The following TSPEAR variants were observed in gnomAD, a reference collection of about 807,000 sequenced individuals.
TSPEAR encodes thrombospondin type laminin G domain and EAR repeats.
A neutral mutation model predicts 71.6 loss-of-function variants in TSPEAR; 69 were observed. That is an observed-to-expected ratio of 0.96 (90% confidence interval 0.79 to 1.18). TSPEAR has a LOEUF of 1.18. Among genes scored for constraint, TSPEAR ranks in the 50% most tolerant of loss-of-function variants. The probability of loss-of-function intolerance (pLI) is 0.00; values close to 1 mark genes in which losing one functional copy is unlikely to be tolerated. For missense variants in TSPEAR, 971 were observed against 894.9 expected (o/e 1.09, Z -1.09); for synonymous variants, 402 against 387.2 (o/e 1.04, Z -0.45).
At chr21:44,586,702 C>T (rs1204589464) in intron 1 of TSPEAR, among the ~76,000 whole-genome samples, 15 of 151,974 alleles carry the variant, frequency 9.9e-5, no homozygotes, top group African/African-American at 3.6e-4. Flanking sequence ...GCCTTTCATA[C>T]AAATAGAATC....
At chr21:44,666,873 C>T in intron 1 of TSPEAR, 1 of 1,613,558 alleles carries the variant, frequency 6.2e-7, no homozygotes, top group Non-Finnish European at 8.5e-7. Flanking sequence ...CGAGGAGCAG[C>T]TGGTATGACA....
chr21:44,608,638 T>C (rs1555930259), intron 1 of TSPEAR, among the ~76,000 whole-genome samples: 1 of 152,258 alleles, frequency 6.6e-6, no homozygotes, highest in East Asian at 1.9e-4. Context: ...CAAGGTTCAA[T>C]GAGTGGCTTT....
In TSPEAR at chr21:44,531,510, T is replaced by G. The variant is rs587602219; in HGVS notation, c.543-377A>C. Reference sequence around the variant, plus strand: ...CACTCCAGGATGATCTCAGCTTGACTTGATGACTGCAAAGACTCTGTTTCC... The same window carrying G: ...CACTCCAGGATGATCTCAGCTTGACGTGATGACTGCAAAGACTCTGTTTCC... On this transcript the variant is annotated intron_variant, in intron 3 of 11. Coordinates refer to ENST00000323084, the MANE Select transcript of TSPEAR (RefSeq NM_144991.3). Among the ~76,000 whole-genome samples, 18 of 152,328 alleles carry G rather than the reference T, an allele frequency of 1.2e-4. No individual in the cohort carries two copies. In the East Asian group the frequency reaches 3.5e-3, roughly 29 times the overall value.
At chr21:44,703,075 C>T (rs1013148020) in intron 1 of TSPEAR, among the ~76,000 whole-genome samples, 8 of 152,174 alleles carry the variant, frequency 5.3e-5, no homozygotes, top group African/African-American at 9.7e-5. Flanking sequence ...GCCCCCCCTG[C>T]CCTTCTCCTC....
chr21:44,517,829 T>C (rs1288276441), intron 9 of TSPEAR: 11 of 471,138 alleles, frequency 2.3e-5, no homozygotes, highest in African/African-American at 6.0e-5. Context: ...TCCTGTGTGC[T>C]TTGAAGGTAA....
intron 1 of TSPEAR, among the ~76,000 whole-genome samples, chr21:44,638,817 C>T (rs1410816767): frequency 1.3e-5 from 2 of 151,982 alleles, no homozygotes; most frequent in African/African-American, 4.8e-5. Flanking sequence ...TTCACCCTCC[C>T]CAGCTCCATG....
intron 9 of TSPEAR, among the ~76,000 whole-genome samples, chr21:44,510,242 T>TC (rs2052330566): frequency 1.3e-5 from 2 of 149,548 alleles, no homozygotes; most frequent in South Asian, 4.2e-4. Context: ...GGGGACAGTG[T>TC]CCCCACAGGC....
At chr21:44,548,268 C>G (rs2053334370) in intron 2 of TSPEAR, among the ~76,000 whole-genome samples, 1 of 152,214 alleles carries the variant, frequency 6.6e-6, no homozygotes, top group Non-Finnish European at 1.5e-5. Flanking sequence ...GGGCTGCTGC[C>G]TTCCTGACTG....
intron 1 of TSPEAR, chr21:44,646,955 C>T (rs1555940101): frequency 1.9e-6 from 3 of 1,613,486 alleles, no homozygotes; most frequent in Non-Finnish European, 2.5e-6. Context: ...GAGGATTCCT[C>T]TTCATGCTGC....
At chr21:44,558,413 C>G in intron 2 of TSPEAR, 1 of 1,613,922 alleles carries the variant, frequency 6.2e-7, no homozygotes, top group Non-Finnish European at 8.5e-7. Flanking sequence ...AGCAGACAGG[C>G]ACGCAGCAGG....
At chr21:44,508,091 C>T (rs1452262258) in intron 10 of TSPEAR, 1 of 152,278 alleles carries the variant, frequency 6.6e-6, no homozygotes, top group Admixed American at 6.5e-5. Flanking sequence ...GGCCTGTCTA[C>T]ATACCCCTGC....
chr21:44,643,490 G>GT (rs1984132462), intron 1 of TSPEAR, among the ~76,000 whole-genome samples: 1 of 152,126 alleles, frequency 6.6e-6, no homozygotes, highest in Non-Finnish European at 1.5e-5. Flanking sequence ...CACACAATGT[G>GT]TACATGTATC....
chr21:44,680,837 AATG>A lies in TSPEAR; in HGVS notation c.82+30593_82+30595del, dbSNP rs150154782. On this transcript the variant is annotated intron_variant, in intron 1 of 11. Transcript: ENST00000323084. Reference sequence around the variant, plus strand: ...TTGATCTCATGGAAGTAGAGAGTAGAATGATATTACCAGAGGTGAAGAACGGTG... The same window carrying A: ...TTGATCTCATGGAAGTAGAGAGTAGAATATTACCAGAGGTGAAGAACGGTG... 7.3e-3 allele frequency among the ~76,000 whole-genome samples: 1,111 copies of A among 152,340 alleles called. 18 individuals are homozygous for A. Among genetic ancestry groups the A allele is most frequent in the African/African-American group, 0.025 (1,045 of 41,558 alleles).
Position 44,708,471 on chromosome 21 carries a change from G to A in TSPEAR, c.82+2962C>T, listed in dbSNP as rs546710939. On this transcript the variant is annotated intron_variant, in intron 1 of 11. Coordinates refer to ENST00000323084, the MANE Select transcript of TSPEAR (RefSeq NM_144991.3). ...GAGGGCAGAGCTCCTGGGAGCACCA[G>A]TGGAAGTAGGAGGGCTGGGCTGGAA... is the stretch of plus-strand genomic sequence containing the variant. 3.3e-5 allele frequency among the ~76,000 whole-genome samples: 5 copies of A among 152,244 alleles called. No individual in the cohort carries two copies. In the South Asian group the frequency reaches 8.3e-4, roughly 25 times the overall value.
rs1555917738 is a variant in TSPEAR, at chr21:44,546,286, C to G, written c.304-12363G>C. 6.6e-6 allele frequency among the ~76,000 whole-genome samples: 1 copy of G among 152,198 alleles called. No homozygotes were observed. The highest frequency in any genetic ancestry group is 1.5e-5 in the Non-Finnish European group (1 of 68,032). ...TTTATTTCAGCCTGAATTAGCATTT[C>G]TTGTAAGGCAAGTCTATTGGCAATG... is the stretch of plus-strand genomic sequence containing the variant. On this transcript the variant is annotated intron_variant, in intron 2 of 11. Transcript: ENST00000323084. This position sits in a 1 kb window ranked among gnomAD's most constrained non-coding sequence, Gnocchi z 4.4.
At chr21:44,549,973 G>A (rs782798431) in intron 2 of TSPEAR, among the ~76,000 whole-genome samples, 19 of 152,340 alleles carry the variant, frequency 1.2e-4, no homozygotes, top group East Asian at 7.7e-4. Flanking sequence ...CTCCCTGAGC[G>A]CAGGGACAGC....
At chr21:44,666,376 A>C in intron 1 of TSPEAR, 1 of 1,484,048 alleles carries the variant, frequency 6.7e-7, no homozygotes, top group South Asian at 1.3e-5. Flanking sequence ...AGACCAACTG[A>C]GGACTCATCC....
At chr21:44,644,793 G>A (rs587751446) in intron 1 of TSPEAR, among the ~76,000 whole-genome samples, 61 of 152,214 alleles carry the variant, frequency 4.0e-4, no homozygotes, top group Admixed American at 7.8e-4. Context: ...ATTAAAAATG[G>A]AAAAACACTT....
rs184873531 is a variant in TSPEAR at position 44,499,787 on chromosome 21, C to A, written c.2006G>T (p.Arg669Leu). The A allele has an allele frequency of 8.3e-6, 13 of 1,565,440 alleles. No homozygotes were observed. The highest frequency in any genetic ancestry group is 7.2e-5 in the East Asian group (3 of 41,820). The change falls in exon 12 of 12, where the codon CGC becomes CTC. Residue 669 changes from arginine to leucine, a missense_variant. Physicochemically the swap from Arg to Leu is moderately radical, Grantham distance 102. Coordinates refer to ENST00000323084, the MANE Select transcript of TSPEAR (RefSeq NM_144991.3). ...PLSRVLRLRTR is the reference protein window; with the variant it reads ...PLSRVLRLRTL The stretch of plus-strand genomic sequence containing the variant: ...TGCTGCCGGGCAGCCGCGGCCTCAG[C>A]GTGTCCTCAGCCGCAGGACCCTGGA...
Sources: gnomAD v4.1 joint callset for allele counts (sites outside exome capture counted in the v4.1 genomes callset) on GRCh38, gnomAD v4.1.1 for gene constraint, Gnocchi (gnomAD v3.1) non-coding constraint, MANE v1.5 for transcripts, NCBI Gene and HGNC (gene_info 2026-07-23, HGNC 2026-07-21) for gene names.